GPC6: variants seen among roughly 807,000 people sequenced by gnomAD.
The protein encoded by GPC6 is glypican 6.
In GPC6, 14 loss-of-function variants were observed where a neutral mutation model predicts 55.2. The ratio of observed to expected loss-of-function variants is 0.25; its 90% confidence interval spans 0.17 to 0.40. The LOEUF is 0.40. Among genes scored for constraint, GPC6 ranks in the 10% least tolerant of loss-of-function variants. The pLI is 1.00. For synonymous variants in GPC6, 278 were observed against 259.6 expected (o/e 1.07, Z -0.68); for missense variants, 641 against 708.5 (o/e 0.90, Z 1.08).
chr13:93,988,866 G>A (rs1271742951), intron 3 of GPC6, among the ~76,000 whole-genome samples: 2 of 152,114 alleles, frequency 1.3e-5, no homozygotes, highest in African/African-American at 4.8e-5. Context: ...GAATGTTAAT[G>A]CTAAAATATG....
intron 6 of GPC6, among the ~76,000 whole-genome samples, chr13:94,372,929 G>A (rs1027732754): frequency 6.6e-5 from 10 of 152,140 alleles, no homozygotes; most frequent in Non-Finnish European, 1.5e-4. Flanking sequence ...CAGCCTAACT[G>A]GGAGGCACCC....
intron 2 of GPC6, among the ~76,000 whole-genome samples, chr13:93,680,669 G>C (rs1266751383): frequency 6.6e-6 from 1 of 152,142 alleles, no homozygotes; most frequent in African/African-American, 2.4e-5. Context: ...ATATGGTCCA[G>C]TCTGGTCAGT....
At position 93,955,584 on chromosome 13, in the gene GPC6, A is replaced by ACT. The variant is rs912838445; in HGVS notation, c.712-72144_712-72143dup. ...AAATCACATTTCTAGGCAACACTAT[A>ACT]CTACTTTTTGCGAGCAGAAGATGAT... On this transcript the variant is annotated intron_variant, in intron 3 of 8. Transcript: ENST00000377047. Among the ~76,000 whole-genome samples the ACT allele has an allele frequency of 5.6e-4, 86 of 152,216 alleles. 1 individual carries two copies. The highest frequency in any genetic ancestry group is 3.4e-3 in the Middle Eastern group (1 of 294).
At chr13:93,909,524 TGTGA>T (rs1876852962) in intron 3 of GPC6, among the ~76,000 whole-genome samples, 1 of 152,110 alleles carries the variant, frequency 6.6e-6, no homozygotes, top group African/African-American at 2.4e-5. Context: ...ACGTGAAAAC[TGTGA>T]GTAACAAATG....
chr13:93,496,433 A>T (rs1880285497), intron 1 of GPC6, among the ~76,000 whole-genome samples: 1 of 152,078 alleles, frequency 6.6e-6, no homozygotes, highest in African/African-American at 2.4e-5. Context: ...AGGGAGATGA[A>T]CCCATTACCT....
intron 1 of GPC6, among the ~76,000 whole-genome samples, chr13:93,425,850 C>A (rs953041499): frequency 2.0e-5 from 3 of 152,196 alleles, no homozygotes; most frequent in Admixed American, 6.5e-5. Context: ...CAAATACAGA[C>A]AGCTCTGGCT....
chr13:94,353,520 C>G (rs947435401), intron 6 of GPC6, among the ~76,000 whole-genome samples: 1 of 152,086 alleles, frequency 6.6e-6, no homozygotes, highest in Non-Finnish European at 1.5e-5. Context: ...AAAGAGGCCT[C>G]TCCACTAATT....
intron 1 of GPC6, among the ~76,000 whole-genome samples, chr13:93,506,440 T>C (rs1305842355): frequency 6.6e-6 from 1 of 152,300 alleles, no homozygotes; most frequent in African/African-American, 2.4e-5. Context: ...ATCATTATAC[T>C]AGCATGTCCG....
intron 1 of GPC6, among the ~76,000 whole-genome samples, chr13:93,275,699 C>T (rs1159752487): frequency 6.6e-6 from 1 of 152,112 alleles, no homozygotes; most frequent in Non-Finnish European, 1.5e-5. Context: ...CAAACTTCTT[C>T]TCATAAGGAT....
chr13:94,296,957 TAATC>T (rs1277547564), intron 5 of GPC6, among the ~76,000 whole-genome samples: 5 of 138,570 alleles, frequency 3.6e-5, no homozygotes, highest in South Asian at 3.0e-4. Context: ...TAATTTTTAA[TAATC>T]AATGCGTTTG....
chr13:94,146,262 C>G (rs1354725581), intron 4 of GPC6, among the ~76,000 whole-genome samples: 1 of 151,788 alleles, frequency 6.6e-6, no homozygotes, highest in Non-Finnish European at 1.5e-5. Context: ...ATATGTTGTT[C>G]TGAATTGACT....
chr13:94,061,291 T>A (rs577297473), intron 4 of GPC6, among the ~76,000 whole-genome samples: 6 of 152,204 alleles, frequency 3.9e-5, no homozygotes, highest in Non-Finnish European at 5.9e-5. Flanking sequence ...ACAAAATCAC[T>A]GCCCCATAAA....
intron 4 of GPC6, among the ~76,000 whole-genome samples, chr13:94,041,730 T>C (rs1188864954): frequency 6.6e-6 from 1 of 151,890 alleles, no homozygotes; most frequent in Non-Finnish European, 1.5e-5. Flanking sequence ...TGCATTAAAC[T>C]TGACATATAA....
chr13:94,100,401 A>C (rs1007598706), intron 4 of GPC6, among the ~76,000 whole-genome samples: 1 of 152,200 alleles, frequency 6.6e-6, no homozygotes. Flanking sequence ...CCTTTATCTA[A>C]ATGAAGCCAA....
intron 1 of GPC6, among the ~76,000 whole-genome samples, chr13:93,377,869 G>T (rs1284060855): frequency 3.3e-5 from 5 of 152,148 alleles, no homozygotes; most frequent in African/African-American, 1.2e-4. Flanking sequence ...AGCACCTTTT[G>T]TTACAAAGGA....
Position 93,788,874 on chromosome 13 carries a change from G to A in GPC6, c.320-41280G>A, listed in dbSNP as rs144216205. 3.9e-5 allele frequency among the ~76,000 whole-genome samples: 6 copies of A among 152,222 alleles called. No individual in the cohort carries two copies. The East Asian group carries it at 1.2e-3, about 30-fold the overall frequency. ...TAGAAAAACAGCAAGACAACTGCATGGAGAATGAATTATAGGGGGATTAAG... is the reference window on the plus strand; with the variant it reads ...TAGAAAAACAGCAAGACAACTGCATAGAGAATGAATTATAGGGGGATTAAG... On this transcript the variant is annotated intron_variant, in intron 2 of 8. Transcript: ENST00000377047.
intron 6 of GPC6, among the ~76,000 whole-genome samples, chr13:94,314,629 A>C (rs564457281): frequency 2.6e-5 from 4 of 152,366 alleles, no homozygotes; most frequent in South Asian, 2.1e-4. Flanking sequence ...TAGATCTTTT[A>C]TTAAATTATT....
chr13:94,033,095 C>T (rs919922912), intron 4 of GPC6, among the ~76,000 whole-genome samples: 2 of 152,178 alleles, frequency 1.3e-5, no homozygotes, highest in Admixed American at 1.3e-4. Flanking sequence ...ATGGACCCAA[C>T]TGTACAGAGA....
intron 4 of GPC6, among the ~76,000 whole-genome samples, chr13:94,042,484 G>A (rs1057300535): frequency 4.6e-5 from 7 of 151,688 alleles, no homozygotes; most frequent in Non-Finnish European, 1.0e-4. Context: ...ATCCAATCCA[G>A]GATTCCATGT....
Sources: gnomAD v4.1 joint callset for allele counts (sites outside exome capture counted in the v4.1 genomes callset) on GRCh38, gnomAD v4.1.1 for gene constraint, MANE v1.5 for transcripts, NCBI Gene and HGNC (gene_info 2026-07-23, HGNC 2026-07-21) for gene names.